Variants in CDKL5 observed in about 807,000 individuals in gnomAD.
CDKL5 encodes cyclin dependent kinase like 5.
In CDKL5, 8 loss-of-function variants were observed where a neutral mutation model predicts 61.7. The ratio of observed to expected loss-of-function variants is 0.13; its 90% CI spans 0.08 to 0.23. CDKL5 has a LOEUF of 0.23. Among genes scored for constraint, CDKL5 ranks in the 10% least tolerant of loss-of-function variants. CDKL5 has a pLI of 1.00. For synonymous variants in CDKL5, 275 were observed against 272.3 expected (o/e 1.01, Z -0.10); for missense variants, 440 against 734.5 (o/e 0.60, Z 4.63).
At chrX:18,552,799 G>A (rs1253277879) in intron 3 of CDKL5, among the ~76,000 whole-genome samples, 1 of 111,075 alleles carries the variant, frequency 9.0e-6, no homozygotes, top group South Asian at 3.8e-4. Flanking sequence ...TAGACCCTAA[G>A]GCAGTAGAGA....
At chrX:18,518,400 T>A (rs1284710637) in intron 3 of CDKL5, among the ~76,000 whole-genome samples, 17 of 58,857 alleles carry the variant, frequency 2.9e-4, no homozygotes, top group Non-Finnish European at 5.0e-4. Context: ...TTTTTTTTTT[T>A]TTTTTTTTTT....
chrX:18,642,209 G>C, downstream of CDKL5: 1 of 1,143,941 alleles, frequency 8.7e-7, no homozygotes, highest in East Asian at 3.0e-5. Flanking sequence ...GGAAAAGGAA[G>C]AAGGGTTCCT....
chrX:18,599,840 AT>A (rs1282862506), intron 11 of CDKL5, among the ~76,000 whole-genome samples: 1 of 111,573 alleles, frequency 9.0e-6, no homozygotes, highest in African/African-American at 3.3e-5. Flanking sequence ...ATATAGAACC[AT>A]TGTTCTTTTT....
At chrX:18,603,757 A>T in intron 11 of CDKL5, 145 bp from the exon 12 acceptor site, 2 of 669,975 alleles carry the variant, frequency 3.0e-6, no homozygotes, top group Non-Finnish European at 2.4e-6. Flanking sequence ...TTGATAGGTT[A>T]CTTGTTATTC....
chrX:18,441,671 A>G (rs369330625), intron 1 of CDKL5, among the ~76,000 whole-genome samples: 4 of 111,051 alleles, frequency 3.6e-5, no homozygotes, highest in South Asian at 3.8e-4. Context: ...CCAGTTTTCA[A>G]ATTCTCTTAG....
intron 1 of CDKL5, among the ~76,000 whole-genome samples, chrX:18,472,810 G>A (rs1406401309): frequency 1.8e-5 from 2 of 109,676 alleles, no homozygotes; most frequent in African/African-American, 6.6e-5. Flanking sequence ...GATATCTGAC[G>A]GAGTAGGGGA....
At chrX:18,478,597 C>T (rs1180581771) in intron 1 of CDKL5, among the ~76,000 whole-genome samples, 11 of 107,953 alleles carry the variant, frequency 1.0e-4, no homozygotes, top group East Asian at 8.8e-4. Context: ...GGCCAATCTC[C>T]GTTGTTTCTA....
At chrX:18,641,939 AG>A, downstream of CDKL5, 1 of 1,111,352 alleles carries the variant, frequency 9.0e-7, no homozygotes, top group Non-Finnish European at 1.2e-6. Context: ...GTGGTGTGTG[AG>A]GGGGTCCCCT....
At chrX:18,495,549 G>A (rs1293782739) in intron 1 of CDKL5, among the ~76,000 whole-genome samples, 1 of 111,934 alleles carries the variant, frequency 8.9e-6, no homozygotes, top group Non-Finnish European at 1.9e-5. Flanking sequence ...CACTTTAGTA[G>A]GTACCTTAGA....
chrX:18,498,889 C>A (rs1922278802), intron 1 of CDKL5, among the ~76,000 whole-genome samples: 1 of 111,432 alleles, frequency 9.0e-6, no homozygotes, highest in African/African-American at 3.3e-5. Context: ...CGTGCCTCAG[C>A]CTCCTGAGTA....
Position 18,545,168 on chromosome X carries a change from C to T in CDKL5, c.100-19309C>T, listed in dbSNP as rs755425972. ...GAGGATCACCTGAGCCTGGGGATGT[C>T]GAGGCTGCAGTGAGCCATGATCGAG... On this transcript the variant is annotated intron_variant, in intron 3 of 17. Transcript: ENST00000623535. Among the ~76,000 whole-genome samples, 67 of 109,881 alleles carry T rather than the reference C, an allele frequency of 6.1e-4. 1 individual carries two copies. Among genetic ancestry groups the T allele is most frequent in the African/African-American group, 2.2e-3 (65 of 30,211 alleles).
At chrX:18,435,865 T>TTAGTC (rs1931598441) in intron 1 of CDKL5, among the ~76,000 whole-genome samples, 1 of 110,986 alleles carries the variant, frequency 9.0e-6, no homozygotes, top group Admixed American at 9.7e-5. Flanking sequence ...GCCAAAGAAT[T>TTAGTC]TAGTCTTGAG....
intron 3 of CDKL5, among the ~76,000 whole-genome samples, chrX:18,526,616 A>G (rs1370865866): frequency 9.0e-6 from 1 of 111,162 alleles, no homozygotes; most frequent in Non-Finnish European, 1.9e-5. Flanking sequence ...GTTCCTCTCT[A>G]TGCCTAGATT....
chrX:18,600,847 G>A (rs1375356064), intron 11 of CDKL5, among the ~76,000 whole-genome samples: 1 of 112,090 alleles, frequency 8.9e-6, no homozygotes, highest in Non-Finnish European at 1.9e-5. Context: ...TCATTTTCAG[G>A]TCTTGACACT....
At chrX:18,451,270 C>T (rs1932008898) in intron 1 of CDKL5, among the ~76,000 whole-genome samples, 1 of 111,615 alleles carries the variant, frequency 9.0e-6, no homozygotes. Flanking sequence ...CGGCTCACTG[C>T]AACCTCCATC....
chrX:18,630,253 G>T lies in CDKL5; in HGVS notation c.*1496G>T. On this transcript the variant is annotated 3_prime_UTR_variant, in exon 18 of 18. Transcript: ENST00000623535. ...TCATCTGATCTCTTTCAGCTCCCAA[G>T]TTACTCCCAAGTATCATCAAACCCT... The T allele has an allele frequency of 1.3e-6, 1 of 753,329 alleles. No individual in the cohort carries two copies. The highest frequency in any genetic ancestry group is 1.5e-4 in the East Asian group (1 of 6,638). 62.1% of individuals were successfully genotyped at this position (753,329 alleles called of 1,213,427 possible). A position where few individuals can be genotyped will look rare whatever the true frequency, so the allele number is the denominator to read the frequency against.
chrX:18,474,291 G>T (rs1921221603), intron 1 of CDKL5, among the ~76,000 whole-genome samples: 1 of 111,733 alleles, frequency 8.9e-6, no homozygotes, highest in Non-Finnish European at 1.9e-5. Context: ...TCATGGTATA[G>T]TATGGTATCA....
intron 1 of CDKL5, among the ~76,000 whole-genome samples, chrX:18,472,590 C>A (rs1333812932): frequency 2.7e-5 from 3 of 111,249 alleles, no homozygotes; most frequent in African/African-American, 9.8e-5. Context: ...TTCAGGAGAT[C>A]TAAATTTGTG....
At chrX:18,575,571 G>C (rs2147139800) in intron 5 of CDKL5, 81 bp downstream of exon 5, 1 of 902,698 alleles carries the variant, frequency 1.1e-6, no homozygotes, top group Non-Finnish European at 1.6e-6. Flanking sequence ...AGAAAGTACT[G>C]TTATCTAATA....
Sources: allele counts gnomAD v4.1 joint callset (sites outside exome capture counted in the v4.1 genomes callset), GRCh38; gene constraint gnomAD v4.1.1; transcripts MANE v1.5; gene names NCBI Gene and HGNC (gene_info 2026-07-23, HGNC 2026-07-21).